Variants in SLC4A8 observed in about 807,000 individuals in gnomAD.
SLC4A8 encodes electroneutral sodium bicarbonate exchanger 1.
In SLC4A8, 40 loss-of-function variants were observed where a neutral mutation model predicts 125.0. The ratio of observed to expected loss-of-function variants is 0.32; its 90% CI spans 0.25 to 0.42. The LOEUF is 0.42. SLC4A8 is among the 10% of genes least tolerant of loss of function. The pLI is 1.00. For missense variants in SLC4A8, 863 were observed against 1,355.1 expected (o/e 0.64, Z 5.70); for synonymous variants, 456 against 476.0 (o/e 0.96, Z 0.55).
intron 1 of SLC4A8, among the ~76,000 whole-genome samples, chr12:51,400,765 TATATATATATATACATACATAC>T (rs1387851884): frequency 0.046 from 361 of 7,906 alleles, 41 homozygotes; most frequent in African/African-American, 0.063. Flanking sequence ...TATATATATA[TATATATATATATACATACATAC>T]ACACACACAC....
At position 51,424,887 on chromosome 12, in the gene SLC4A8, T is replaced by TGG. The variant is rs1017997145; in HGVS notation, c.-97_-96dup. On this transcript the variant is annotated 5_prime_UTR_variant, in exon 1 of 25. An upstream open reading frame in the 5' UTR gains an earlier in-frame stop. Coordinates refer to ENST00000453097, the MANE Select transcript of SLC4A8 (RefSeq NM_001039960.3). Reference sequence around the variant, plus strand: ...TGATGGTTGACCGTTGGCTCCGGGGTGGGGGTCGCCGTTCGAGTGATCTGC... The same window carrying TGG: ...TGATGGTTGACCGTTGGCTCCGGGGTGGGGGGGTCGCCGTTCGAGTGATCTGC... The TGG allele has an allele frequency of 1.6e-6, 2 of 1,270,408 alleles. No homozygotes were observed. The highest frequency in any genetic ancestry group is 2.8e-5 in the East Asian group (1 of 35,344). The allele number at this position is 1,270,408 out of a possible 1,614,324, so 78.7% of individuals were successfully genotyped here. A position where few individuals can be genotyped will look rare whatever the true frequency, so the allele number is the denominator to read the frequency against.
intron 22 of SLC4A8, among the ~76,000 whole-genome samples, chr12:51,500,038 G>T (rs1357094029): frequency 1.3e-5 from 2 of 152,150 alleles, no homozygotes; most frequent in Non-Finnish European, 2.9e-5. Flanking sequence ...AGAGCTGACA[G>T]GTTTTGCTAA....
intron 2 of SLC4A8, among the ~76,000 whole-genome samples, chr12:51,443,719 A>G (rs1949676441): frequency 6.6e-6 from 1 of 152,168 alleles, no homozygotes; most frequent in South Asian, 2.1e-4. Flanking sequence ...CATCTGCTCG[A>G]CATGTGAGAT....
intron 1 of SLC4A8, among the ~76,000 whole-genome samples, chr12:51,400,768 A>G (rs1337287201): frequency 0.089 from 244 of 2,734 alleles, 35 homozygotes; most frequent in Middle Eastern, 0.25. Context: ...ATATATATAT[A>G]TATATATATA....
intron 1 of SLC4A8, among the ~76,000 whole-genome samples, chr12:51,400,940 C>T (rs550945034): frequency 1.9e-3 from 288 of 150,080 alleles, no homozygotes; most frequent in African/African-American, 6.6e-3. Flanking sequence ...GCAGTGGCAC[C>T]GTCACGGTGA....
Position 51,508,539 on chromosome 12 carries a change from C to A in SLC4A8, c.*1101C>A, listed in dbSNP as rs1290772601. The A allele has an allele frequency of 6.6e-6, 1 of 152,614 alleles. No individual in the cohort carries two copies. Among genetic ancestry groups the A allele is most frequent in the Non-Finnish European group, 1.5e-5 (1 of 68,040 alleles). The allele number at this position is 152,614 out of a possible 1,614,324, so 9.5% of individuals were successfully genotyped here. ...GATCATCAGTTCAATGGACCAAAAT[C>A]ACCTTCAGCCATGTGGTTTCTTCAT... is the stretch of plus-strand genomic sequence containing the variant. On this transcript the variant is annotated 3_prime_UTR_variant, in exon 25 of 25. Transcript: ENST00000453097.
At chr12:51,498,467 A>G (rs142196977) in intron 22 of SLC4A8, among the ~76,000 whole-genome samples, 2,049 of 152,176 alleles carry the variant, frequency 0.013, 46 homozygotes, top group African/African-American at 0.047. Flanking sequence ...AAAAATAAAA[A>G]AGAAATGAAA....
chr12:51,453,603 A>G lies in SLC4A8; in HGVS notation c.478A>G (p.Thr160Ala), dbSNP rs1950035458. Residue 160 changes from threonine (T) to alanine (A), a missense_variant, in exon 5 of 25, where the codon ACC becomes GCC. Thr to Ala is a moderately conservative substitution (Grantham distance 58). Transcript: ENST00000453097. ...ACGCTGGAGCAAGCCTTATGTGGCAACCCTTTCATTGCACAGCCTGTTTGA... is the reference window on the plus strand; with the variant it reads ...ACGCTGGAGCAAGCCTTATGTGGCAGCCCTTTCATTGCACAGCCTGTTTGA... Reference protein sequence around the residue: ...GERWSKPYVATLSLHSLFELR... With the variant: ...GERWSKPYVAALSLHSLFELR... 6.2e-7 allele frequency: 1 copy of G among 1,614,066 alleles called. No individual in the cohort carries two copies. Among genetic ancestry groups the G allele is most frequent in the African/African-American group, 1.3e-5 (1 of 74,928 alleles).
In SLC4A8 at chr12:51,474,401, A is replaced by G; in HGVS notation, c.1964A>G (p.His655Arg). 1 of 1,613,722 alleles carries G rather than the reference A, an allele frequency of 6.2e-7. No individual in the cohort carries two copies. The highest frequency in any genetic ancestry group is 1.3e-5 in the African/African-American group (1 of 75,054). The change falls in exon 15 of 25, where the codon CAC becomes CGC. Residue 655 changes from histidine (H) to arginine (R), a missense_variant. Physicochemically the swap from His to Arg is conservative, Grantham distance 29. This residue lies in a region of SLC4A8 where 76 missense variants were observed against 80.2 expected (regional missense o/e 0.95). Coordinates refer to ENST00000453097, the MANE Select transcript of SLC4A8 (RefSeq NM_001039960.3). The stretch of plus-strand genomic sequence containing the variant: ...CACACCCTCCAGTACTGGAAGGACC[A>G]CAACATCGTGACAGCAGAAGTCCAC... ...NNHTLQYWKD[H>R]NIVTAEVHWA...
intron 21 of SLC4A8, among the ~76,000 whole-genome samples, chr12:51,496,338 AATGGCCCTC>A (rs761487106): frequency 3.7e-4 from 57 of 152,232 alleles, no homozygotes; most frequent in Non-Finnish European, 5.9e-5. Context: ...CTTTGGCTAA[AATGGCCCTC>A]ATGGAAAGAA....
intron 2 of SLC4A8, 38 bp from the exon 3 acceptor site, chr12:51,450,838 A>G (rs1403463004): frequency 6.2e-6 from 10 of 1,609,522 alleles, no homozygotes; most frequent in Non-Finnish European, 8.5e-6. Context: ...TTTTAAAACT[A>G]AAGGAGTTCT....
In SLC4A8 at chr12:51,424,874, G is replaced by A. The variant is rs1948905869; in HGVS notation, c.-114G>A. On this transcript the variant is annotated 5_prime_UTR_variant, in exon 1 of 25. Transcript: ENST00000453097. The stretch of plus-strand genomic sequence containing the variant: ...AGGCGGCGGCGGTTGATGGTTGACC[G>A]TTGGCTCCGGGGTGGGGGTCGCCGT... 1.7e-6 allele frequency: 2 copies of A among 1,174,516 alleles called. No homozygotes were observed. The highest frequency in any genetic ancestry group is 2.4e-6 in the Non-Finnish European group (2 of 827,324). 72.8% of individuals were successfully genotyped at this position (1,174,516 alleles called of 1,614,324 possible).
rs764895044 is a variant in SLC4A8 at position 51,457,500 on chromosome 12, G to A, written c.724G>A (p.Gly242Ser). The A allele has an allele frequency of 8.7e-6, 14 of 1,613,922 alleles. No homozygotes were observed. Among genetic ancestry groups the A allele is most frequent in the Non-Finnish European group, 1.2e-5 (14 of 1,179,950 alleles). ...IPIVRSFAEV[G>S]KKQSDPHLMD... is the part of the protein sequence containing the mutation. ...CATTGTTCGCTCCTTTGCTGAGGTT[G>A]GCAAGAAGCAGTCTGATCCTCATTT... is the stretch of plus-strand genomic sequence containing the variant. The change falls in exon 6 of 25, where the codon GGC becomes AGC. Residue 242 changes from glycine (G) to serine (S), a missense_variant. Gly to Ser is a moderately conservative substitution (Grantham distance 56). Coordinates refer to ENST00000453097, the MANE Select transcript of SLC4A8 (RefSeq NM_001039960.3).
intron 16 of SLC4A8, among the ~76,000 whole-genome samples, chr12:51,485,563 G>A (rs1309944651): frequency 2.0e-5 from 3 of 152,120 alleles, no homozygotes; most frequent in African/African-American, 7.2e-5. Context: ...GATGGTCTGG[G>A]TTATGTTAGC....
chr12:51,436,126 C>T (rs954238049), intron 1 of SLC4A8, among the ~76,000 whole-genome samples: 30 of 152,188 alleles, frequency 2.0e-4, no homozygotes, highest in African/African-American at 6.5e-4. Context: ...TGTCTTAAAA[C>T]TGTATCTCCT....
chr12:51,421,755 C>A (rs1040156737), upstream of SLC4A8, among the ~76,000 whole-genome samples: 32 of 152,160 alleles, frequency 2.1e-4, no homozygotes, highest in African/African-American at 7.5e-4. Flanking sequence ...CCCCTAAGGG[C>A]AGATTTTGGA....
At chr12:51,496,074 G>A (rs1355237988) in intron 21 of SLC4A8, among the ~76,000 whole-genome samples, 1 of 152,060 alleles carries the variant, frequency 6.6e-6, no homozygotes, top group Non-Finnish European at 1.5e-5. Context: ...CCCTCCTGGT[G>A]GGTTTCTCAA....
intron 1 of SLC4A8, among the ~76,000 whole-genome samples, chr12:51,438,732 A>G (rs1949496865): frequency 6.6e-6 from 1 of 152,168 alleles, no homozygotes; most frequent in Non-Finnish European, 1.5e-5. Flanking sequence ...GTACTAGTTT[A>G]TATTCCCACC....
intron 14 of SLC4A8, among the ~76,000 whole-genome samples, chr12:51,471,913 C>T (rs1439759543): frequency 6.6e-6 from 1 of 152,196 alleles, no homozygotes; most frequent in African/African-American, 2.4e-5. Context: ...AGAGAATGGA[C>T]TCTGTCCTTT....
Sources: gnomAD v4.1 joint callset for allele counts (sites outside exome capture counted in the v4.1 genomes callset) on GRCh38, gnomAD v4.1.1 for gene constraint, gnomAD v4.1.1 regional missense constraint, MANE v1.5 for transcripts, NCBI Gene and HGNC (gene_info 2026-07-23, HGNC 2026-07-21) for gene names.